TRPS1: variants seen among roughly 807,000 people sequenced by gnomAD.
TRPS1 encodes the protein zinc finger transcription factor Trps1.
Under a neutral mutation model 101.2 loss-of-function variants are expected in TRPS1, and 6 were observed. The observed-to-expected ratio is 0.06, with a 90% CI of 0.03 to 0.12. The LOEUF is 0.12. TRPS1 is among the 10% of genes least tolerant of loss of function. The pLI is 1.00. For missense variants in TRPS1, 1,363 were observed against 1,567.0 expected, an observed-to-expected ratio of 0.87 and a Z score of 2.20; for synonymous variants, 578 against 589.8, an observed-to-expected ratio of 0.98 and a Z score of 0.29.
chr8:115,450,884 T>A (rs1813854240), intron 5 of TRPS1, among the ~76,000 whole-genome samples: 1 of 152,194 alleles, frequency 6.6e-6, no homozygotes, highest in East Asian at 1.9e-4. Context: ...AAGTTATATA[T>A]GTTTGAGACC....
chr8:115,566,721 A>C (rs1347680097), intron 5 of TRPS1, among the ~76,000 whole-genome samples: 1 of 152,146 alleles, frequency 6.6e-6, no homozygotes, highest in Non-Finnish European at 1.5e-5. Flanking sequence ...AATTTAAGAC[A>C]GCTACAAAAG....
At chr8:115,648,121 A>G (rs1281011148) in intron 1 of TRPS1, among the ~76,000 whole-genome samples, 1 of 152,076 alleles carries the variant, frequency 6.6e-6, no homozygotes, top group African/African-American at 2.4e-5. Context: ...AGAGGAAGCA[A>G]AAGAGAAGAC....
At chr8:115,537,172 G>A (rs1338915830) in intron 5 of TRPS1, among the ~76,000 whole-genome samples, 1 of 152,030 alleles carries the variant, frequency 6.6e-6, no homozygotes, top group African/African-American at 2.4e-5. Context: ...AAATCAACAA[G>A]GAAGTTAACT....
chr8:115,645,635 T>C (rs1218051734), intron 1 of TRPS1, among the ~76,000 whole-genome samples: 1 of 152,098 alleles, frequency 6.6e-6, no homozygotes, highest in African/African-American at 2.4e-5. Flanking sequence ...AAAAAGTTAC[T>C]ACAAGAGGAA....
At chr8:115,606,581 C>T (rs1343495502) in intron 3 of TRPS1, among the ~76,000 whole-genome samples, 2 of 152,068 alleles carry the variant, frequency 1.3e-5, no homozygotes, top group Admixed American at 6.6e-5. Context: ...AAGAATGGGG[C>T]ACCCTTCCAG....
At chr8:115,532,236 CAG>C (rs1816151180) in intron 5 of TRPS1, among the ~76,000 whole-genome samples, 1 of 117,172 alleles carries the variant, frequency 8.5e-6, no homozygotes, top group South Asian at 3.0e-4. Context: ...GGAATGAAAT[CAG>C]AGCGCATTTT....
chr8:115,610,187 G>T (rs1005900704), intron 3 of TRPS1, among the ~76,000 whole-genome samples: 18 of 152,160 alleles, frequency 1.2e-4, no homozygotes, highest in African/African-American at 4.1e-4. Context: ...TAATTTAAGA[G>T]AACTTGAGGT....
intron 5 of TRPS1, among the ~76,000 whole-genome samples, chr8:115,451,033 G>A (rs559063532): frequency 1.3e-5 from 2 of 152,212 alleles, no homozygotes; most frequent in East Asian, 1.9e-4. Flanking sequence ...CCTAGCATTC[G>A]GCAAATTCTT....
At chr8:115,574,879 A>C (rs1817281240) in intron 5 of TRPS1, among the ~76,000 whole-genome samples, 1 of 152,144 alleles carries the variant, frequency 6.6e-6, no homozygotes, top group South Asian at 2.1e-4. Flanking sequence ...AATGCACCTT[A>C]TTCAAATAAT....
At position 115,454,098 on chromosome 8, in the gene TRPS1, C is replaced by T. The variant is rs950046923; in HGVS notation, c.2701-35646G>A. Reference sequence around the variant, plus strand: ...GGAAATTATAGGGTAGTGGGGTCTACTTATCTACTTTTTAACCTCCCTACA... The same window carrying T: ...GGAAATTATAGGGTAGTGGGGTCTATTTATCTACTTTTTAACCTCCCTACA... On this transcript the variant is annotated intron_variant, in intron 5 of 6. Transcript: ENST00000395715. 5.3e-4 allele frequency among the ~76,000 whole-genome samples: 81 copies of T among 152,168 alleles called. 1 individual carries two copies. The highest frequency in any genetic ancestry group is 1.2e-3 in the Admixed American group (19 of 15,290).
chr8:115,435,339 G>T (rs1813421661), intron 5 of TRPS1, among the ~76,000 whole-genome samples: 1 of 152,168 alleles, frequency 6.6e-6, no homozygotes, highest in South Asian at 2.1e-4. Flanking sequence ...GCACCCAAGG[G>T]TGATAATGAA....
chr8:115,434,119 TGGTGTGTA>T (rs1813391973), intron 5 of TRPS1, among the ~76,000 whole-genome samples: 1 of 151,938 alleles, frequency 6.6e-6, no homozygotes, highest in Non-Finnish European at 1.5e-5. Context: ...CAGACTACCT[TGGTGTGTA>T]TGTATATACA....
intron 5 of TRPS1, among the ~76,000 whole-genome samples, chr8:115,441,888 A>AGTGT (rs1398101055): frequency 1.4e-5 from 2 of 142,850 alleles, no homozygotes; most frequent in African/African-American, 2.7e-5. Context: ...AGAGAGAGAG[A>AGTGT]GAGAGAGAGA....
At chr8:115,606,579 G>T (rs1173029330) in intron 3 of TRPS1, among the ~76,000 whole-genome samples, 4 of 151,974 alleles carry the variant, frequency 2.6e-5, no homozygotes, top group Non-Finnish European at 5.9e-5. Flanking sequence ...CTAAGAATGG[G>T]GCACCCTTCC....
chr8:115,652,859 G>C (rs959101348), intron 1 of TRPS1, among the ~76,000 whole-genome samples: 1 of 152,212 alleles, frequency 6.6e-6, no homozygotes, highest in Non-Finnish European at 1.5e-5. Flanking sequence ...CTGAAAAGGA[G>C]TTTTCCAAAA....
intron 5 of TRPS1, among the ~76,000 whole-genome samples, chr8:115,442,550 C>CGTGTGTGT (rs10570037): frequency 0.012 from 1,703 of 145,086 alleles, 21 homozygotes; most frequent in African/African-American, 0.031. Context: ...AAGTATGGTG[C>CGTGTGTGT]GTGTGTGTGT....
intron 5 of TRPS1, chr8:115,511,084 T>G: frequency 6.6e-6 from 1 of 151,888 alleles, no homozygotes. Flanking sequence ...GTCAAGAACT[T>G]AAAAAGCATT....
At chr8:115,668,195 G>C in intron 1 of TRPS1, 1 of 491,432 alleles carries the variant, frequency 2.0e-6, no homozygotes, top group African/African-American at 1.9e-5. Context: ...AGATGCCTCA[G>C]ACCCACCAAA....
At chr8:115,494,480 TA>T (rs1467326704) in intron 5 of TRPS1, among the ~76,000 whole-genome samples, 9 of 152,238 alleles carry the variant, frequency 5.9e-5, no homozygotes, top group African/African-American at 2.2e-4. Context: ...GCAAATTGCT[TA>T]CGCCAAGAGG....
Sources: allele counts gnomAD v4.1 joint callset (sites outside exome capture counted in the v4.1 genomes callset), GRCh38; gene constraint gnomAD v4.1.1; transcripts MANE v1.5; gene names NCBI Gene and HGNC (gene_info 2026-07-23, HGNC 2026-07-21).